The following TMEM243 variants were observed in gnomAD, a reference collection of about 807,000 sequenced individuals.
The protein encoded by TMEM243 is transmembrane protein 243.
TMEM243 carries 20 observed loss-of-function variants against 15.0 expected under a neutral mutation model. The observed-to-expected ratio is 1.33, with a 90% CI of 0.94 to 1.93. The LOEUF (loss-of-function observed/expected upper bound fraction) is 1.93, where lower values mean the gene tolerates loss of function less well. Among genes scored for constraint, TMEM243 ranks in the 30% most tolerant of loss-of-function variants. The probability of loss-of-function intolerance (pLI) is 0.00; values close to 1 mark genes in which losing one functional copy is unlikely to be tolerated. For missense variants in TMEM243, 156 were observed against 142.1 expected (o/e 1.10, Z -0.50); for synonymous variants, 72 against 52.7 (o/e 1.37, Z -1.59).
In TMEM243 at chr7:87,199,034, A is replaced by G; in HGVS notation, c.102T>C (p.Val34=). The G allele has an allele frequency of 6.2e-7, 1 of 1,606,556 alleles. No homozygotes were observed. Among genetic ancestry groups the G allele is most frequent in the Non-Finnish European group, 8.5e-7 (1 of 1,177,574 alleles). Residue 34 remains valine (V), a synonymous_variant, in exon 2 of 4, where the codon GTT becomes GTC. Transcript: ENST00000257637. ...GAATCAATAAGGATGTTAAGCTGCC[A>G]ACAACTAAATTGATGATTCGATCCT... is the stretch of plus-strand genomic sequence containing the variant. ...SAKDRIINLV[V]GSLTSLLILV...
chr7:87,218,392 AT>A (rs1803259644), intron 1 of TMEM243, among the ~76,000 whole-genome samples: 1 of 152,234 alleles, frequency 6.6e-6, no homozygotes, highest in Non-Finnish European at 1.5e-5. Context: ...AGTTTAAAAA[AT>A]AAAGTAGTCC....
intron 1 of TMEM243, among the ~76,000 whole-genome samples, chr7:87,206,097 TATAAA>T (rs1290640591): frequency 6.6e-6 from 1 of 152,152 alleles, no homozygotes; most frequent in African/African-American, 2.4e-5. Context: ...GGCTTCCCCT[TATAAA>T]ATCATCAGAT....
chr7:87,198,504 A>G (rs562451965), intron 2 of TMEM243: 1 of 168,422 alleles, frequency 5.9e-6, no homozygotes, highest in Admixed American at 5.9e-5. Context: ...TTAAGAAGCC[A>G]TGGAAAAAAA....
intron 1 of TMEM243, among the ~76,000 whole-genome samples, chr7:87,207,989 A>G (rs978821445): frequency 6.6e-6 from 1 of 152,120 alleles, no homozygotes; most frequent in Non-Finnish European, 1.5e-5. Context: ...GGGGGAAACC[A>G]ACCCCATGAT....
At chr7:87,199,675 T>C (rs146437806) in intron 1 of TMEM243, 2 of 152,256 alleles carry the variant, frequency 1.3e-5, no homozygotes, top group African/African-American at 4.8e-5. Flanking sequence ...CCTACTGAGC[T>C]TTCTTGTCAT....
At chr7:87,198,896 G>A (rs1776579071) in intron 2 of TMEM243, 111 bp downstream of exon 2, 2 of 945,240 alleles carry the variant, frequency 2.1e-6, no homozygotes, top group East Asian at 2.8e-5. Context: ...CAATTTTGTG[G>A]TAATAAAATT....
At chr7:87,206,703 T>G (rs1802244644) in intron 1 of TMEM243, among the ~76,000 whole-genome samples, 1 of 152,200 alleles carries the variant, frequency 6.6e-6, no homozygotes, top group African/African-American at 2.4e-5. Context: ...GTTTTCCATT[T>G]AATATTTTTG....
At chr7:87,210,493 G>A (rs901635167) in intron 1 of TMEM243, among the ~76,000 whole-genome samples, 3 of 152,242 alleles carry the variant, frequency 2.0e-5, no homozygotes, top group African/African-American at 7.2e-5. Flanking sequence ...AGATACAATG[G>A]GGGTTACAGG....
chr7:87,202,741 G>A (rs892036108), intron 1 of TMEM243, among the ~76,000 whole-genome samples: 12 of 152,164 alleles, frequency 7.9e-5, no homozygotes, highest in East Asian at 1.9e-4. Flanking sequence ...ACCTTAACAC[G>A]GTCTAGAAAC....
chr7:87,202,477 T>G (rs1801887755), intron 1 of TMEM243, among the ~76,000 whole-genome samples: 2 of 152,204 alleles, frequency 1.3e-5, no homozygotes, highest in African/African-American at 4.8e-5. Flanking sequence ...CGGATTCATG[T>G]CTTTGTCTTC....
chr7:87,205,125 G>A (rs965643286), intron 1 of TMEM243, among the ~76,000 whole-genome samples: 1 of 152,222 alleles, frequency 6.6e-6, no homozygotes, highest in Non-Finnish European at 1.5e-5. Flanking sequence ...CTGGGACACA[G>A]AGCACCAAGT....
At chr7:87,205,735 G>C (rs1211621001) in intron 1 of TMEM243, among the ~76,000 whole-genome samples, 5 of 151,908 alleles carry the variant, frequency 3.3e-5, no homozygotes, top group Admixed American at 3.3e-4. Context: ...CAATCAACAA[G>C]TCTCTAGGAA....
chr7:87,209,607 A>T (rs1562884646), intron 1 of TMEM243, among the ~76,000 whole-genome samples: 108 of 139,582 alleles, frequency 7.7e-4, no homozygotes, highest in African/African-American at 2.8e-3. Context: ...TGAGAGAGAG[A>T]GAGACAGAGA....
chr7:87,204,227 A>G (rs1190771272), intron 1 of TMEM243, among the ~76,000 whole-genome samples: 1 of 152,186 alleles, frequency 6.6e-6, no homozygotes, highest in Non-Finnish European at 1.5e-5. Flanking sequence ...ATCTCCCACC[A>G]GGTCCCTCCC....
upstream of TMEM243, chr7:87,219,811 C>A: frequency 2.5e-6 from 1 of 399,078 alleles, no homozygotes; most frequent in Non-Finnish European, 4.5e-6. Flanking sequence ...CAAATCTCAG[C>A]CCTTGGCGCC....
intron 1 of TMEM243, among the ~76,000 whole-genome samples, chr7:87,217,701 C>T (rs866332884): frequency 2.0e-5 from 3 of 152,192 alleles, no homozygotes; most frequent in South Asian, 2.1e-4. Flanking sequence ...ATAGCTGAAG[C>T]TATTATTACA....
At chr7:87,210,104 G>A (rs913361290) in intron 1 of TMEM243, among the ~76,000 whole-genome samples, 85 of 151,564 alleles carry the variant, frequency 5.6e-4, no homozygotes, top group Non-Finnish European at 9.9e-4. Context: ...TGGGAGCGGG[G>A]AACTGCCACA....
chr7:87,197,718 AGC>A, intron 3 of TMEM243: 1 of 151,660 alleles, frequency 6.6e-6, no homozygotes, highest in Non-Finnish European at 8.5e-6. Flanking sequence ...TTTTTTTTTA[AGC>A]TATCAAGGGA....
chr7:87,208,355 A>G (rs1482573566), intron 1 of TMEM243, among the ~76,000 whole-genome samples: 1 of 152,256 alleles, frequency 6.6e-6, no homozygotes, highest in Non-Finnish European at 1.5e-5. Context: ...CAAAGGGGCT[A>G]CAGGCCCCAT....
Sources: allele counts gnomAD v4.1 joint callset (sites outside exome capture counted in the v4.1 genomes callset), GRCh38; gene constraint gnomAD v4.1.1; transcripts MANE v1.5; gene names NCBI Gene and HGNC (gene_info 2026-07-23, HGNC 2026-07-21).